Variants in MGLL observed in about 807,000 individuals in gnomAD.
MGLL encodes monoglyceride lipase, also known as lysophospholipase homolog.
A neutral mutation model predicts 29.1 loss-of-function variants in MGLL; 7 were observed. The observed-to-expected ratio is 0.24, with a 90% confidence interval of 0.14 to 0.45. The LOEUF is 0.45. Among genes scored for constraint, MGLL ranks in the 20% least tolerant of loss-of-function variants. MGLL has a pLI of 0.99. For synonymous variants in MGLL, 148 were observed against 168.3 expected (o/e 0.88, Z 0.93); for missense variants, 356 against 413.6 (o/e 0.86, Z 1.21).
At chr3:127,775,226 T>C (rs1321533613) in intron 3 of MGLL, among the ~76,000 whole-genome samples, 2 of 151,992 alleles carry the variant, frequency 1.3e-5, no homozygotes, top group Non-Finnish European at 2.9e-5. Flanking sequence ...ACCCTCGGAG[T>C]TGGGCCCCCA....
intron 2 of MGLL, among the ~76,000 whole-genome samples, chr3:127,810,280 C>T (rs2077639066): frequency 6.6e-6 from 1 of 151,770 alleles, no homozygotes. Context: ...GTTGAAGACC[C>T]CCAGTCTGTG....
At chr3:127,735,974 C>G in intron 3 of MGLL, 1 of 1,432,964 alleles carries the variant, frequency 7.0e-7, no homozygotes, top group Non-Finnish European at 9.1e-7. Context: ...AACCATCTTT[C>G]GGCTCAGTTC....
intron 6 of MGLL, among the ~76,000 whole-genome samples, chr3:127,707,673 G>T (rs894370865): frequency 2.6e-5 from 4 of 152,244 alleles, no homozygotes; most frequent in African/African-American, 9.6e-5. Flanking sequence ...ACTTCCTGGG[G>T]TCATGGTGAG....
intron 3 of MGLL, among the ~76,000 whole-genome samples, chr3:127,779,305 T>G (rs746682131): frequency 1.2e-4 from 18 of 152,226 alleles, no homozygotes; most frequent in Non-Finnish European, 1.9e-4. Context: ...AGGCAGAGGT[T>G]GCAGTGAGTT....
At chr3:127,801,821 T>G (rs2077484535) in intron 2 of MGLL, among the ~76,000 whole-genome samples, 1 of 148,226 alleles carries the variant, frequency 6.7e-6, no homozygotes, top group African/African-American at 2.5e-5. Context: ...TATAAAATAT[T>G]TATATATATA....
chr3:127,756,178 TAGA>T (rs1216955420), intron 3 of MGLL, among the ~76,000 whole-genome samples: 2 of 152,222 alleles, frequency 1.3e-5, no homozygotes, highest in Non-Finnish European at 2.9e-5. Context: ...GGGGAGCAGA[TAGA>T]AGAAGTTGGT....
At chr3:127,743,702 C>T (rs1176704476) in intron 3 of MGLL, among the ~76,000 whole-genome samples, 2 of 152,046 alleles carry the variant, frequency 1.3e-5, no homozygotes, top group Non-Finnish European at 2.9e-5. Flanking sequence ...CCCCTACACG[C>T]TGCCCTTCCC....
intron 2 of MGLL, among the ~76,000 whole-genome samples, chr3:127,783,068 G>A (rs1325548925): frequency 1.3e-5 from 2 of 150,420 alleles, no homozygotes; most frequent in African/African-American, 4.9e-5. Context: ...CCAGCTATTT[G>A]GGAGACTGAG....
intron 3 of MGLL, among the ~76,000 whole-genome samples, chr3:127,758,199 C>G (rs771519638): frequency 1.1e-4 from 17 of 152,194 alleles, no homozygotes; most frequent in Non-Finnish European, 2.4e-4. Flanking sequence ...TCAACTACCA[C>G]TTTCTCAGTG....
intron 7 of MGLL, among the ~76,000 whole-genome samples, chr3:127,692,802 C>T (rs2075272828): frequency 6.6e-6 from 1 of 152,162 alleles, no homozygotes; most frequent in Non-Finnish European, 1.5e-5. Flanking sequence ...CTCACTGTCA[C>T]CTTCTAGAAA....
intron 2 of MGLL, among the ~76,000 whole-genome samples, chr3:127,797,199 T>G (rs937786853): frequency 4.6e-5 from 7 of 152,072 alleles, no homozygotes; most frequent in Non-Finnish European, 1.0e-4. Flanking sequence ...CAGTTGTCTT[T>G]CACCATCCCT....
chr3:127,794,467 A>C (rs968137076), intron 2 of MGLL, among the ~76,000 whole-genome samples: 2 of 152,140 alleles, frequency 1.3e-5, no homozygotes, highest in African/African-American at 4.8e-5. Context: ...ATATGATGTA[A>C]GGCTGTCTTC....
At chr3:127,795,453 C>G (rs545701739) in intron 2 of MGLL, among the ~76,000 whole-genome samples, 1 of 152,140 alleles carries the variant, frequency 6.6e-6, no homozygotes, top group East Asian at 1.9e-4. Flanking sequence ...GCACTATGCT[C>G]AATACCTGGG....
intron 3 of MGLL, among the ~76,000 whole-genome samples, chr3:127,739,622 C>T (rs553333419): frequency 6.6e-5 from 10 of 152,132 alleles, no homozygotes; most frequent in African/African-American, 9.7e-5. Flanking sequence ...TTGGCTCATA[C>T]GTGATATCAA....
rs1229647047 is a variant in MGLL at position 127,752,556 on chromosome 3, C to T, written c.262+29233G>A. On this transcript the variant is annotated intron_variant, in intron 3 of 7. Transcript: ENST00000265052. ...GATGACAGTACTTTAGTTTATCTGA[C>T]TCTTCCTGTGCTCATGGGCATGTGA... Among the ~76,000 whole-genome samples, 3 of 152,096 alleles carry T rather than the reference C, an allele frequency of 2.0e-5. No individual in the cohort carries two copies. The East Asian group carries it at 5.8e-4, about 29-fold the overall frequency.
chr3:127,747,891 C>G (rs1344959098), intron 3 of MGLL, among the ~76,000 whole-genome samples: 2 of 152,156 alleles, frequency 1.3e-5, no homozygotes, highest in Non-Finnish European at 2.9e-5. Flanking sequence ...TCAGCCACAT[C>G]CTAGGGAAGG....
chr3:127,692,227 C>A lies in MGLL; in HGVS notation c.913G>T (p.Ala305Ser). 1 of 1,613,462 alleles carries A rather than the reference C, an allele frequency of 6.2e-7. No homozygotes were observed. Among genetic ancestry groups the A allele is most frequent in the Non-Finnish European group, 8.5e-7 (1 of 1,179,900 alleles). ...GGTGGGGACGCAGTTCCTGCCGTGG[C>A]TGTCCTTTGAGAGACCCACATGTTT... The part of the protein sequence containing the change: ...EINMWVSQRT[A>S]TAGTASPP The change falls in exon 8 of 8, where the codon GCC becomes TCC. Residue 305 changes from alanine (A) to serine (S), a missense_variant. Coordinates refer to ENST00000265052, the MANE Select transcript of MGLL (RefSeq NM_007283.7).
intron 5 of MGLL, chr3:127,715,686 A>T (rs745921752): frequency 2.2e-6 from 1 of 456,710 alleles, no homozygotes; most frequent in Non-Finnish European, 4.4e-6. Flanking sequence ...GGGGCCATTG[A>T]GGCGGCATGA....
chr3:127,751,976 T>C (rs371235712), intron 3 of MGLL, among the ~76,000 whole-genome samples: 44 of 152,352 alleles, frequency 2.9e-4, no homozygotes, highest in African/African-American at 9.6e-4. Flanking sequence ...CTTTACAAAT[T>C]GTTATTTAAA....
Sources: allele counts gnomAD v4.1 joint callset (sites outside exome capture counted in the v4.1 genomes callset), GRCh38; gene constraint gnomAD v4.1.1; transcripts MANE v1.5; gene names NCBI Gene and HGNC (gene_info 2026-07-23, HGNC 2026-07-21).